TENM4: variants seen among roughly 807,000 people sequenced by gnomAD.
The protein encoded by TENM4 is teneurin transmembrane protein 4.
A neutral mutation model predicts 243.3 loss-of-function variants in TENM4; 82 were observed. That is an observed-to-expected ratio of 0.34 (90% CI 0.28 to 0.40). The LOEUF (loss-of-function observed/expected upper bound fraction) is 0.40. Among genes scored for constraint, TENM4 ranks in the 10% least tolerant of loss-of-function variants. TENM4 has a pLI of 1.00. For missense variants in TENM4, 3,138 were observed against 3,673.3 expected (o/e 0.85, Z 3.77); for synonymous variants, 1,412 against 1,456.3 (o/e 0.97, Z 0.69).
chr11:78,972,551 A>G (rs1403766250), intron 6 of TENM4, among the ~76,000 whole-genome samples: 1 of 152,168 alleles, frequency 6.6e-6, no homozygotes, highest in Non-Finnish European at 1.5e-5. Context: ...CTGAATATCA[A>G]GAAGAGAGCC....
chr11:78,955,223 C>A (rs1857183523), intron 6 of TENM4, among the ~76,000 whole-genome samples: 1 of 152,214 alleles, frequency 6.6e-6, no homozygotes, highest in Non-Finnish European at 1.5e-5. Flanking sequence ...TGTTCACCCT[C>A]CTTCACATTT....
rs1862200025 is a variant in TENM4 at position 79,139,058 on chromosome 11, ATTATATT to A, written c.-66+9645_-66+9651del. Among the ~76,000 whole-genome samples the A allele has an allele frequency of 2.6e-4, 6 of 22,826 alleles. No individual in the cohort carries two copies. In the South Asian group the frequency reaches 9.7e-3, roughly 37 times the overall value. The allele number at this position is 22,826 out of a possible 152,430, so 15.0% of individuals were successfully genotyped here. The stretch of plus-strand genomic sequence containing the variant: ...ATTTCTATAAATATATAAAATATAT[ATTATATT>A]TCTATAAATATATATTATATTTCTA... On this transcript the variant is annotated intron_variant, in intron 4 of 33. Transcript: ENST00000278550.
chr11:79,387,978 G>C (rs915714553), intron 1 of TENM4, among the ~76,000 whole-genome samples: 1 of 152,198 alleles, frequency 6.6e-6, no homozygotes, highest in Non-Finnish European at 1.5e-5. Flanking sequence ...GTGACAATAA[G>C]ACCCTGTCTC....
chr11:79,187,596 T>G (rs1863401887), intron 3 of TENM4, among the ~76,000 whole-genome samples: 1 of 152,206 alleles, frequency 6.6e-6, no homozygotes, highest in Non-Finnish European at 1.5e-5. Flanking sequence ...ACTCAATTTG[T>G]TATGAGATGA....
At chr11:79,054,304 G>A (rs548541097) in intron 6 of TENM4, among the ~76,000 whole-genome samples, 1 of 152,224 alleles carries the variant, frequency 6.6e-6, no homozygotes, top group African/African-American at 2.4e-5. Flanking sequence ...CTCTGATCCC[G>A]GAGTCAATCT....
At chr11:79,354,658 G>T (rs1419274883) in intron 1 of TENM4, among the ~76,000 whole-genome samples, 1 of 152,138 alleles carries the variant, frequency 6.6e-6, no homozygotes, top group Non-Finnish European at 1.5e-5. Flanking sequence ...GTACCAAAGA[G>T]GTCTGAAATA....
chr11:79,244,017 G>A (rs1046465672), intron 2 of TENM4, among the ~76,000 whole-genome samples: 6 of 152,176 alleles, frequency 3.9e-5, no homozygotes, highest in Admixed American at 2.0e-4. Context: ...TGATGCTCCC[G>A]GTCCCAGGAC....
At chr11:78,960,771 A>G (rs989795394) in intron 6 of TENM4, among the ~76,000 whole-genome samples, 1 of 152,220 alleles carries the variant, frequency 6.6e-6, no homozygotes, top group East Asian at 1.9e-4. Flanking sequence ...ACCTTCGGCT[A>G]TAATGATGTA....
intron 12 of TENM4, among the ~76,000 whole-genome samples, chr11:78,839,058 T>A (rs2136168012): frequency 6.6e-6 from 1 of 152,350 alleles, no homozygotes; most frequent in East Asian, 1.9e-4. Context: ...GCTTGACTCC[T>A]ATTCTCATTT....
At position 78,722,813 on chromosome 11, in the gene TENM4, T is replaced by C. The variant is rs1855421712; in HGVS notation, c.3655A>G (p.Ser1219Gly). Residue 1219 changes from serine (S) to glycine (G), a missense_variant, in exon 24 of 34, where the codon AGC (serine) becomes GGC (glycine). Physicochemically the swap from Ser to Gly is moderately conservative, Grantham distance 56. Transcript: ENST00000278550. Reference sequence around the variant, plus strand: ...TTGCCGTCAGCAAGGCCGTTGCAGCTGGGGCAGGAGATGCTTCTCCGGCGC... The same window carrying C: ...TTGCCGTCAGCAAGGCCGTTGCAGCCGGGGCAGGAGATGCTTCTCCGGCGC... ...NGRRRSISCP[S>G]CNGLADGNKL... 11 of 1,613,930 alleles carry C rather than the reference T, an allele frequency of 6.8e-6. No individual in the cohort carries two copies. The highest frequency in any genetic ancestry group is 1.3e-5 in the African/African-American group (1 of 74,942).
At chr11:79,246,316 T>C (rs186139700) in intron 2 of TENM4, among the ~76,000 whole-genome samples, 1 of 152,244 alleles carries the variant, frequency 6.6e-6, no homozygotes, top group Admixed American at 6.5e-5. Flanking sequence ...ACTGGCAGAG[T>C]TGTTTCCTTA....
chr11:79,162,683 C>T (rs1476006371), intron 3 of TENM4, among the ~76,000 whole-genome samples: 1 of 152,150 alleles, frequency 6.6e-6, no homozygotes, highest in Non-Finnish European at 1.5e-5. Context: ...GAGTCCTCCT[C>T]CACATTCCCT....
chr11:79,070,932 C>G (rs1860397881), intron 4 of TENM4, among the ~76,000 whole-genome samples: 1 of 152,194 alleles, frequency 6.6e-6, no homozygotes, highest in Non-Finnish European at 1.5e-5. Context: ...CCCTCACCTC[C>G]AGACTTGCCC....
At chr11:79,376,661 C>A (rs1286664670) in intron 1 of TENM4, among the ~76,000 whole-genome samples, 1 of 152,222 alleles carries the variant, frequency 6.6e-6, no homozygotes, top group African/African-American at 2.4e-5. Flanking sequence ...GTGGTCCCAA[C>A]ATCTCCAATT....
At chr11:79,387,274 G>A (rs1161032743) in intron 1 of TENM4, among the ~76,000 whole-genome samples, 1 of 152,160 alleles carries the variant, frequency 6.6e-6, no homozygotes, top group Non-Finnish European at 1.5e-5. Flanking sequence ...AGACTGGGAG[G>A]GGGGATCACA....
rs1257075027 is a variant in TENM4 at position 79,145,891 on chromosome 11, GC to G, written c.-66+2818del. On this transcript the variant is annotated intron_variant, in intron 4 of 33. Transcript: ENST00000278550. ...TCCCTGAAGAGTAAAAATGTTATGT[GC>G]TTTTTTGGCTATTTGGACATCTTCT... 3.3e-5 allele frequency among the ~76,000 whole-genome samples: 5 copies of G among 152,012 alleles called. No individual in the cohort carries two copies. The East Asian group carries it at 7.7e-4, about 23-fold the overall frequency.
At chr11:79,345,303 T>C (rs955917342) in intron 1 of TENM4, among the ~76,000 whole-genome samples, 4 of 152,354 alleles carry the variant, frequency 2.6e-5, no homozygotes, top group South Asian at 4.1e-4. Context: ...GGTTTTCCTA[T>C]TCCTGAATTT....
chr11:79,433,288 C>A (rs1859205666), intron 1 of TENM4, among the ~76,000 whole-genome samples: 1 of 152,122 alleles, frequency 6.6e-6, no homozygotes, highest in Non-Finnish European at 1.5e-5. Flanking sequence ...CTCCCCAGAC[C>A]AAATGAAGTA....
At chr11:78,786,834 G>A (rs1444705926) in intron 16 of TENM4, 64 bp downstream of exon 16, 8 of 1,552,362 alleles carry the variant, frequency 5.2e-6, no homozygotes, top group Admixed American at 1.9e-5. Context: ...GCCCTGAAAT[G>A]CCCCAACAGA....
Sources: allele counts gnomAD v4.1 joint callset (sites outside exome capture counted in the v4.1 genomes callset), GRCh38; gene constraint gnomAD v4.1.1; transcripts MANE v1.5; gene names NCBI Gene and HGNC (gene_info 2026-07-23, HGNC 2026-07-21).